RSPRY1: variants seen among roughly 807,000 people sequenced by gnomAD.
The protein encoded by RSPRY1 is RING finger and SPRY domain-containing protein 1.
In RSPRY1, 23 loss-of-function variants were observed where a neutral mutation model predicts 73.1. The observed-to-expected ratio is 0.31, with a 90% CI of 0.23 to 0.45. The LOEUF (loss-of-function observed/expected upper bound fraction) is 0.45. Among genes scored for constraint, RSPRY1 ranks in the 20% least tolerant of loss-of-function variants. The probability of loss-of-function intolerance (pLI) is 1.00; values close to 1 mark genes in which losing one functional copy is unlikely to be tolerated. For missense variants in RSPRY1, 448 were observed against 698.7 expected, an observed-to-expected ratio of 0.64 and a Z score of 4.05; for synonymous variants, 226 against 251.4, an observed-to-expected ratio of 0.90 and a Z score of 0.95.
At chr16:57,204,404 C>A (rs534970980) in intron 1 of RSPRY1, 100 bp from the exon 2 acceptor site, 170 of 408,564 alleles carry the variant, frequency 4.2e-4, no homozygotes, top group African/African-American at 3.1e-3. Context: ...GATAATTCTT[C>A]ATTAGAATCC....
At position 57,209,166 on chromosome 16, in the gene RSPRY1, T is replaced by C. The variant is rs747819229; in HGVS notation, c.495T>C (p.Asp165=). The C allele has an allele frequency of 1.2e-6, 2 of 1,607,954 alleles. No homozygotes were observed. The highest frequency in any genetic ancestry group is 1.7e-6 in the Non-Finnish European group (2 of 1,174,966). The stretch of plus-strand genomic sequence containing the variant: ...CAGCTGTTATAACATTGTTACTAGA[T>C]GAATGTCCATTGCCCACTAAAGTAA... ...LGPAVITLLL[D]ECPLPTKDAL... is the part of the protein sequence containing the mutation. Residue 165 remains aspartate, a synonymous_variant, in exon 4 of 15, where the codon GAT becomes GAC. Transcript: ENST00000394420.
chr16:57,211,293 G>T (rs2074839863), intron 4 of RSPRY1, among the ~76,000 whole-genome samples: 1 of 150,890 alleles, frequency 6.6e-6, no homozygotes, highest in Non-Finnish European at 1.5e-5. Context: ...AAGAAAGCCA[G>T]GCACGGTGGC....
intron 13 of RSPRY1, 51 bp from the exon 14 acceptor site, chr16:57,235,073 T>C: frequency 7.6e-7 from 1 of 1,312,236 alleles, no homozygotes; most frequent in Non-Finnish European, 1.1e-6. Flanking sequence ...GCATCACTGC[T>C]AACAGGACCC....
At chr16:57,208,420 C>A (rs2074772135) in intron 3 of RSPRY1, among the ~76,000 whole-genome samples, 1 of 98,500 alleles carries the variant, frequency 1.0e-5, no homozygotes, top group Non-Finnish European at 1.9e-5. Flanking sequence ...TTTTTTGAGA[C>A]AGAGTCTCAC....
chr16:57,188,048 C>T (rs1191088008), intron 1 of RSPRY1, among the ~76,000 whole-genome samples: 3 of 152,198 alleles, frequency 2.0e-5, no homozygotes, highest in Non-Finnish European at 4.4e-5. Context: ...CATACTTTCT[C>T]CCTCAGTTGT....
chr16:57,220,537 A>T, intron 8 of RSPRY1, 195 bp from the exon 9 acceptor site: 1 of 357,066 alleles, frequency 2.8e-6, no homozygotes, highest in Non-Finnish European at 5.2e-6. Context: ...TAGTTCTAAT[A>T]GTTTTTGGCA....
chr16:57,203,108 C>T, intron 1 of RSPRY1, among the ~76,000 whole-genome samples: 1 of 151,952 alleles, frequency 6.6e-6, no homozygotes, highest in East Asian at 1.9e-4. Flanking sequence ...GAGTTTGTGG[C>T]CAACATGGTG....
chr16:57,198,307 C>T (rs539539008), intron 1 of RSPRY1, among the ~76,000 whole-genome samples: 62 of 151,894 alleles, frequency 4.1e-4, no homozygotes, highest in African/African-American at 1.4e-3. Context: ...TGGCATGAAC[C>T]TGGGAGGCGG....
intron 2 of RSPRY1, among the ~76,000 whole-genome samples, chr16:57,206,211 C>T (rs1383121882): frequency 6.6e-6 from 1 of 152,044 alleles, no homozygotes. Flanking sequence ...CAAGACCAGC[C>T]TAGGCAACAT....
chr16:57,196,601 G>A lies in RSPRY1; in HGVS notation c.-155-7903G>A, dbSNP rs556931127. 3.5e-3 allele frequency among the ~76,000 whole-genome samples: 540 copies of A among 152,288 alleles called. 5 individuals are homozygous for A. Among genetic ancestry groups the A allele is most frequent in the Non-Finnish European group, 5.2e-3 (357 of 68,020 alleles). ...AAGTACTCTAAGTGATTCTAATGCCGTCTATGGGATGATCAAGCTACAATC... is the reference window on the plus strand; with the variant it reads ...AAGTACTCTAAGTGATTCTAATGCCATCTATGGGATGATCAAGCTACAATC... On this transcript the variant is annotated intron_variant, in intron 1 of 14. Transcript: ENST00000394420.
Position 57,231,325 on chromosome 16 carries a change from G to A in RSPRY1, c.1529+6G>A. 1 of 1,610,192 alleles carries A rather than the reference G, an allele frequency of 6.2e-7. No individual in the cohort carries two copies. Among genetic ancestry groups the A allele is most frequent in the Non-Finnish European group, 8.5e-7 (1 of 1,178,510 alleles). The stretch of plus-strand genomic sequence containing the variant: ...GAAAAAATCATTTTGCCAAGGTAAG[G>A]AATCTGCCCAGGCTATCTCCAGACT... On this transcript the variant is annotated splice_donor_region_variant and intron_variant, in intron 13 of 14. Transcript: ENST00000394420.
At chr16:57,210,272 G>T (rs1296068845) in intron 4 of RSPRY1, among the ~76,000 whole-genome samples, 1 of 151,316 alleles carries the variant, frequency 6.6e-6, no homozygotes, top group Non-Finnish European at 1.5e-5. Context: ...TAGATAAAGG[G>T]TCTCACTATG....
At chr16:57,214,820 G>C (rs1220281375) in intron 6 of RSPRY1, among the ~76,000 whole-genome samples, 1 of 152,242 alleles carries the variant, frequency 6.6e-6, no homozygotes, top group Non-Finnish European at 1.5e-5. Context: ...CCTGAGGTCA[G>C]GAGTTCAAGA....
chr16:57,213,754 T>C, intron 5 of RSPRY1, 134 bp from the exon 6 acceptor site: 1 of 715,016 alleles, frequency 1.4e-6, no homozygotes, highest in South Asian at 1.7e-5. Context: ...CTAGTACTAT[T>C]TTCTACCTCA....
At chr16:57,229,505 G>A (rs1392477683) in intron 11 of RSPRY1, among the ~76,000 whole-genome samples, 1 of 151,804 alleles carries the variant, frequency 6.6e-6, no homozygotes, top group Admixed American at 6.6e-5. Flanking sequence ...TGTAGTCCTA[G>A]TTACTCAGGA....
At chr16:57,230,229 T>G (rs1251294439) in intron 11 of RSPRY1, among the ~76,000 whole-genome samples, 1 of 150,552 alleles carries the variant, frequency 6.6e-6, no homozygotes, top group East Asian at 2.0e-4. Context: ...CAGGCTGGTC[T>G]TCAAACTCCT....
intron 1 of RSPRY1, among the ~76,000 whole-genome samples, chr16:57,201,926 C>G (rs2074621517): frequency 6.6e-6 from 1 of 152,126 alleles, no homozygotes; most frequent in Non-Finnish European, 1.5e-5. Context: ...CCAGCTTTGG[C>G]TTGGCATCAG....
chr16:57,218,219 GATACAGTC>G (rs2074972015), intron 8 of RSPRY1, among the ~76,000 whole-genome samples: 1 of 152,150 alleles, frequency 6.6e-6, no homozygotes, highest in Non-Finnish European at 1.5e-5. Context: ...GAGATATTTT[GATACAGTC>G]ATACAATGAG....
At chr16:57,187,825 G>A (rs1437880266) in intron 1 of RSPRY1, among the ~76,000 whole-genome samples, 1 of 152,048 alleles carries the variant, frequency 6.6e-6, no homozygotes, top group Non-Finnish European at 1.5e-5. Context: ...GGGGATGGTG[G>A]GATTTCCAGC....
Sources: gnomAD v4.1 joint callset for allele counts (sites outside exome capture counted in the v4.1 genomes callset) on GRCh38, gnomAD v4.1.1 for gene constraint, MANE v1.5 for transcripts, NCBI Gene and HGNC (gene_info 2026-07-23, HGNC 2026-07-21) for gene names.